Variants in MREG observed in about 807,000 individuals in gnomAD.
MREG encodes dilute suppressor protein homolog.
In MREG, 31 loss-of-function variants were observed where a neutral mutation model predicts 28.5. The observed-to-expected ratio is 1.09, with a 90% CI of 0.82 to 1.47. The LOEUF (loss-of-function observed/expected upper bound fraction) is 1.47, where lower values mean the gene tolerates loss of function less well. Among genes scored for constraint, MREG ranks in the 40% most tolerant of loss-of-function variants. MREG has a pLI of 0.00. For missense variants in MREG, 256 were observed against 257.4 expected (o/e 0.99, Z 0.04); for synonymous variants, 106 against 95.2 (o/e 1.11, Z -0.66).
At chr2:215,990,324 C>T (rs1211279929) in intron 2 of MREG, among the ~76,000 whole-genome samples, 1 of 152,114 alleles carries the variant, frequency 6.6e-6, no homozygotes, top group East Asian at 1.9e-4. Context: ...AGAAATACAA[C>T]CCTGTACAGA....
chr2:215,992,249 A>T (rs1036897472), intron 2 of MREG, among the ~76,000 whole-genome samples: 3 of 152,374 alleles, frequency 2.0e-5, no homozygotes, highest in Admixed American at 2.0e-4. Context: ...AACATATGCA[A>T]ATCAATAAAC....
At chr2:216,025,943 GC>G (rs1694589171) in intron 1 of MREG, among the ~76,000 whole-genome samples, 1 of 152,206 alleles carries the variant, frequency 6.6e-6, no homozygotes, top group Admixed American at 6.5e-5. Flanking sequence ...TAAGCCTTCA[GC>G]CCTTTGGAGG....
In MREG at chr2:215,947,064, C is replaced by T. The variant is rs192002830; in HGVS notation, c.305G>A (p.Arg102Lys). ...YDIHTLRQVR[R>K]EVRNRWKCIL... ...GCACTTCCATCTGTTTCTTACTTCCCTTCGAACCTGCCGCAGGGTATGGAT... is the reference window on the plus strand; with the variant it reads ...GCACTTCCATCTGTTTCTTACTTCCTTTCGAACCTGCCGCAGGGTATGGAT... Residue 102 changes from arginine to lysine, a missense_variant, in exon 3 of 5, where the codon AGG becomes AAG. Physicochemically the swap from Arg to Lys is conservative, Grantham distance 26. Transcript: ENST00000263268. 5 of 1,613,010 alleles carry T rather than the reference C, an allele frequency of 3.1e-6. No individual in the cohort carries two copies. The Admixed American group carries it at 6.7e-5, about 22-fold the overall frequency.
chr2:216,024,771 T>C (rs1559202208), intron 1 of MREG, among the ~76,000 whole-genome samples: 1 of 150,626 alleles, frequency 6.6e-6, no homozygotes, highest in Non-Finnish European at 1.5e-5. Flanking sequence ...TAATCCCAAC[T>C]ACTTGGGAGG....
intron 1 of MREG, among the ~76,000 whole-genome samples, chr2:215,996,740 G>A (rs1304536823): frequency 1.3e-5 from 2 of 151,588 alleles, no homozygotes; most frequent in Non-Finnish European, 2.9e-5. Flanking sequence ...TCAGCACTGA[G>A]TACCCCAGAA....
chr2:215,988,227 G>A (rs1559188500), intron 2 of MREG, among the ~76,000 whole-genome samples: 1 of 152,146 alleles, frequency 6.6e-6, no homozygotes, highest in African/African-American at 2.4e-5. Flanking sequence ...TTAGACAGTT[G>A]GTGCAGCCCA....
At chr2:215,964,799 T>G (rs1053366239) in intron 2 of MREG, among the ~76,000 whole-genome samples, 1 of 152,080 alleles carries the variant, frequency 6.6e-6, no homozygotes, top group African/African-American at 2.4e-5. Flanking sequence ...GGCAAAATCT[T>G]TAACCCAAGA....
At chr2:215,966,791 G>A (rs1019443778) in intron 2 of MREG, among the ~76,000 whole-genome samples, 1 of 151,942 alleles carries the variant, frequency 6.6e-6, no homozygotes, top group Non-Finnish European at 1.5e-5. Flanking sequence ...TAGTAGAGAC[G>A]AGGTTTCGCC....
chr2:215,996,593 G>T (rs1693881659), intron 1 of MREG, 128 bp from the exon 2 acceptor site: 1 of 656,696 alleles, frequency 1.5e-6, no homozygotes, highest in Non-Finnish European at 2.4e-6. Flanking sequence ...TGTCAAAAAG[G>T]TCTGAATTGT....
chr2:216,031,647 AAAAGAAAGAAAGAAAGAAAGAAAGAAAG>A (rs200929112), intron 1 of MREG, among the ~76,000 whole-genome samples: 1 of 98,072 alleles, frequency 1.0e-5, no homozygotes, highest in Non-Finnish European at 2.1e-5. Context: ...AAGGAAGAAG[AAAAGAAAGAAAGAAAGAAAGAAAGAAAG>A]AAAGAAAGAA....
At chr2:215,978,058 A>G (rs970003789) in intron 2 of MREG, among the ~76,000 whole-genome samples, 4 of 152,166 alleles carry the variant, frequency 2.6e-5, no homozygotes, top group Non-Finnish European at 5.9e-5. Context: ...AGATAGAGAA[A>G]CAAAAAAACC....
intron 2 of MREG, among the ~76,000 whole-genome samples, chr2:215,950,961 G>C (rs1014493823): frequency 1.3e-5 from 2 of 152,046 alleles, no homozygotes; most frequent in African/African-American, 4.8e-5. Flanking sequence ...CACAAGATCT[G>C]GTTGTTTGAA....
At chr2:216,001,193 C>T (rs1053776681) in intron 1 of MREG, among the ~76,000 whole-genome samples, 4 of 152,210 alleles carry the variant, frequency 2.6e-5, no homozygotes, top group African/African-American at 9.6e-5. Flanking sequence ...AAACACCAGC[C>T]TCTCGTCCTT....
chr2:215,988,591 C>A (rs1378417861), intron 2 of MREG, among the ~76,000 whole-genome samples: 1 of 152,218 alleles, frequency 6.6e-6, no homozygotes, highest in Non-Finnish European at 1.5e-5. Context: ...ACCAAAGGGG[C>A]TGGCTCAGCA....
At chr2:216,010,697 G>T (rs1242159415) in intron 1 of MREG, among the ~76,000 whole-genome samples, 1 of 151,850 alleles carries the variant, frequency 6.6e-6, no homozygotes, top group Admixed American at 6.6e-5. Context: ...TATGGGAAGT[G>T]GTGGTGGCAA....
At chr2:215,995,328 T>C (rs1333304136) in intron 2 of MREG, among the ~76,000 whole-genome samples, 2 of 151,984 alleles carry the variant, frequency 1.3e-5, no homozygotes, top group Non-Finnish European at 2.9e-5. Flanking sequence ...GATCCACATC[T>C]CTAACCCCTC....
rs1559173493 is a variant in MREG at position 215,949,074 on chromosome 2, AC to A, written c.256-1962del. Reference sequence around the variant, plus strand: ...TACTACTACTACTACTACTACTACTACTACTACTACTACTAATAATAATAAT... The same window carrying A: ...TACTACTACTACTACTACTACTACTATACTACTACTACTAATAATAATAAT... On this transcript the variant is annotated intron_variant, in intron 2 of 4. Transcript: ENST00000263268. Among the ~76,000 whole-genome samples, 630 of 132,254 alleles carry A rather than the reference AC, an allele frequency of 4.8e-3. 9 individuals are homozygous for A. The highest frequency in any genetic ancestry group is 0.017 in the East Asian group (77 of 4,434). 86.8% of individuals were successfully genotyped at this position (132,254 alleles called of 152,430 possible).
At chr2:215,956,295 A>T (rs1356218632) in intron 2 of MREG, among the ~76,000 whole-genome samples, 2 of 152,188 alleles carry the variant, frequency 1.3e-5, no homozygotes, top group Non-Finnish European at 2.9e-5. Context: ...TAAAGAGATA[A>T]GAGTGGTACC....
intron 1 of MREG, among the ~76,000 whole-genome samples, chr2:216,031,445 A>G (rs56017467): frequency 0.035 from 3,769 of 108,492 alleles, 206 homozygotes; most frequent in African/African-American, 0.12. Flanking sequence ...AAGAAAGAAA[A>G]AGAAAGAAAG....
Sources: gnomAD v4.1 joint callset for allele counts (sites outside exome capture counted in the v4.1 genomes callset) on GRCh38, gnomAD v4.1.1 for gene constraint, MANE v1.5 for transcripts, NCBI Gene and HGNC (gene_info 2026-07-23, HGNC 2026-07-21) for gene names.